Variants in CSNK2A1 observed in about 807,000 individuals in gnomAD.
The protein encoded by CSNK2A1 is casein kinase 2 alpha 1.
Under a neutral mutation model 62.9 loss-of-function variants are expected in CSNK2A1, and 10 were observed. That is an observed-to-expected ratio of 0.16 (90% CI 0.10 to 0.27). CSNK2A1 has a LOEUF of 0.27. CSNK2A1 is among the 10% of genes least tolerant of loss of function. The pLI is 1.00. For missense variants in CSNK2A1, 160 were observed against 492.0 expected, an observed-to-expected ratio of 0.33 and a Z score of 6.38; for synonymous variants, 124 against 167.8, an observed-to-expected ratio of 0.74 and a Z score of 2.02.
At chr20:523,001 T>C (rs1186811484) in intron 2 of CSNK2A1, among the ~76,000 whole-genome samples, 3 of 152,142 alleles carry the variant, frequency 2.0e-5, no homozygotes, top group Non-Finnish European at 4.4e-5. Context: ...TGATGACATA[T>C]CACGGTTATG....
At chr20:531,613 C>A (rs1415973845) in intron 1 of CSNK2A1, among the ~76,000 whole-genome samples, 1 of 152,094 alleles carries the variant, frequency 6.6e-6, no homozygotes, top group African/African-American at 2.4e-5. Context: ...CTCAGGAAAT[C>A]TGTAAACTCC....
At position 508,670 on chromosome 20, in the gene CSNK2A1, C is replaced by T; in HGVS notation, c.-109-10G>A. The T allele has an allele frequency of 4.9e-6, 4 of 819,372 alleles. 1 individual carries two copies. In the South Asian group the frequency reaches 7.1e-5, roughly 15 times the overall value. 50.8% of individuals were successfully genotyped at this position (819,372 alleles called of 1,614,324 possible). ...ACCTGTTTTCTTCAAACTGCAGAAA[C>T]AAAATGCACAAAGTCCAAGGAATCA... is the stretch of plus-strand genomic sequence containing the variant. On this transcript the variant is annotated splice_polypyrimidine_tract_variant and intron_variant, in intron 2 of 13. Coordinates refer to ENST00000217244, the MANE Select transcript of CSNK2A1 (RefSeq NM_177559.3).
intron 2 of CSNK2A1, among the ~76,000 whole-genome samples, chr20:518,852 G>A (rs6116377): frequency 0.054 from 8,129 of 150,302 alleles, 722 homozygotes; most frequent in African/African-American, 0.18. Context: ...ACCGCACCCA[G>A]CCAATTATTT....
At chr20:496,874 G>A (rs2018356927) in intron 7 of CSNK2A1, 1 of 152,088 alleles carries the variant, frequency 6.6e-6, no homozygotes, top group Non-Finnish European at 1.5e-5. Flanking sequence ...ACAATCCTTA[G>A]GACAATTACC....
rs1232814831 is a variant in CSNK2A1, at chr20:480,462, G to A, written c.*3499C>T. The A allele has an allele frequency of 6.6e-6, 1 of 151,748 alleles. No homozygotes were observed. The highest frequency in any genetic ancestry group is 1.5e-5 in the Non-Finnish European group (1 of 67,972). The allele number at this position is 151,748 out of a possible 1,614,324, so 9.4% of individuals were successfully genotyped here. On this transcript the variant is annotated 3_prime_UTR_variant, in exon 14 of 14. Coordinates refer to ENST00000217244, the MANE Select transcript of CSNK2A1 (RefSeq NM_177559.3). Reference sequence around the variant, plus strand: ...AAAGGTTTTAATGAGGATTGCATAAGACATGCAAGGTCACCAGGGAGTTTA... The same window carrying A: ...AAAGGTTTTAATGAGGATTGCATAAAACATGCAAGGTCACCAGGGAGTTTA...
intron 2 of CSNK2A1, among the ~76,000 whole-genome samples, chr20:518,881 C>T (rs1379965600): frequency 6.6e-6 from 1 of 151,116 alleles, no homozygotes; most frequent in Non-Finnish European, 1.5e-5. Context: ...ATACAATGTC[C>T]TAGCAGATCT....
intron 3 of CSNK2A1, 122 bp from the exon 4 acceptor site, chr20:505,351 GTTTTTTTTTTTTTTT>G: frequency 8.5e-6 from 2 of 235,030 alleles, no homozygotes; most frequent in East Asian, 1.2e-4. Context: ...TCCCAAATAG[GTTTTTTTTTTTTTTT>G]TTTTTTTTTT....
rs561320731 is a variant in CSNK2A1, at chr20:479,684, A to T, written c.*4277T>A. 2.6e-5 allele frequency: 4 copies of T among 152,232 alleles called. No homozygotes were observed. Among genetic ancestry groups the T allele is most frequent in the Non-Finnish European group, 5.9e-5 (4 of 68,030 alleles). The allele number at this position is 152,232 out of a possible 1,614,324, so 9.4% of individuals were successfully genotyped here. A position where few individuals can be genotyped will look rare whatever the true frequency, so the allele number is the denominator to read the frequency against. On this transcript the variant is annotated 3_prime_UTR_variant, in exon 14 of 14. Coordinates refer to ENST00000217244, the MANE Select transcript of CSNK2A1 (RefSeq NM_177559.3). ...GCACAGAATCAAAGGAGAGCTATAA[A>T]GTCTAGGAAGTACTTATTTACATAG...
At position 472,781 on chromosome 20, in the gene CSNK2A1, A is replaced by G. The variant is rs1485604007; in HGVS notation, c.*11180T>C. 4 of 152,368 alleles carry G rather than the reference A, an allele frequency of 2.6e-5. No homozygotes were observed. The highest frequency in any genetic ancestry group is 1.9e-4 in the East Asian group (1 of 5,190). The allele number at this position is 152,368 out of a possible 1,614,324, so 9.4% of individuals were successfully genotyped here. A position where few individuals can be genotyped will look rare whatever the true frequency, so the allele number is the denominator to read the frequency against. ...TCTGCCCTTTGCTCTCAGGCTTCAG[A>G]TAAGAATTTGGCTGCCTTCAGCCAT... On this transcript the variant is annotated 3_prime_UTR_variant, in exon 14 of 14. Coordinates refer to ENST00000217244, the MANE Select transcript of CSNK2A1 (RefSeq NM_177559.3).
rs1343631083 is a variant in CSNK2A1, at chr20:482,995, T to C, written c.*966A>G. The C allele has an allele frequency of 2.0e-5, 3 of 152,402 alleles. No homozygotes were observed. The highest frequency in any genetic ancestry group is 1.3e-4 in the Admixed American group (2 of 15,278). 9.4% of individuals were successfully genotyped at this position (152,402 alleles called of 1,614,324 possible). A position where few individuals can be genotyped will look rare whatever the true frequency, so the allele number is the denominator to read the frequency against. On this transcript the variant is annotated 3_prime_UTR_variant, in exon 14 of 14. Transcript: ENST00000217244. ...GTAGAAAGCTTAAAATGGAAGTCAG[T>C]GTGGCCACATCTCCCATTAGCTCTA... is the stretch of plus-strand genomic sequence containing the variant.
rs2017789112 is a variant in CSNK2A1 at position 473,368 on chromosome 20, T to C, written c.*10593A>G. The C allele has an allele frequency of 6.6e-6, 1 of 152,664 alleles. No individual in the cohort carries two copies. Among genetic ancestry groups the C allele is most frequent in the African/African-American group, 2.4e-5 (1 of 41,476 alleles). 9.5% of individuals were successfully genotyped at this position (152,664 alleles called of 1,614,324 possible). A position where few individuals can be genotyped will look rare whatever the true frequency, so the allele number is the denominator to read the frequency against. On this transcript the variant is annotated 3_prime_UTR_variant, in exon 14 of 14. Transcript: ENST00000217244. ...CTCTGATTTTGGGGTTATGTCCTCC[T>C]TAGTGCTCCTGTTCCTCCCCCAGTT...
In CSNK2A1 at chr20:479,458, G is replaced by A. The variant is rs550428656; in HGVS notation, c.*4503C>T. 3.3e-5 allele frequency: 5 copies of A among 152,320 alleles called. No individual in the cohort carries two copies. The South Asian group carries it at 1.0e-3, about 32-fold the overall frequency. The allele number at this position is 152,320 out of a possible 1,614,324, so 9.4% of individuals were successfully genotyped here. A position where few individuals can be genotyped will look rare whatever the true frequency, so the allele number is the denominator to read the frequency against. Reference sequence around the variant, plus strand: ...TATTGGCAATGGAAATTCAACTTGGGTGGTAGGATTATGGATGTGTTACAG... The same window carrying A: ...TATTGGCAATGGAAATTCAACTTGGATGGTAGGATTATGGATGTGTTACAG... On this transcript the variant is annotated 3_prime_UTR_variant, in exon 14 of 14. Coordinates refer to ENST00000217244, the MANE Select transcript of CSNK2A1 (RefSeq NM_177559.3).
In CSNK2A1 at chr20:531,101, G is replaced by T. The variant is rs1327028073; in HGVS notation, c.-226-3052C>A. Among the ~76,000 whole-genome samples the T allele has an allele frequency of 2.6e-5, 4 of 151,896 alleles. No individual in the cohort carries two copies. The East Asian group carries it at 7.7e-4, about 29-fold the overall frequency. ...TTCCGTCTCAAAAAACAAAAGAAAA[G>T]GTATTAAGGTGAATTATGTATTAAA... On this transcript the variant is annotated intron_variant, in intron 1 of 13. Transcript: ENST00000217244.
In CSNK2A1 at chr20:477,523, C is replaced by A. The variant is rs1431304247; in HGVS notation, c.*6438G>T. ...GCTAGTATTCTTCTAGTTTTTACCA[C>A]CCCCACCACCTCAATCCTGCCCCTG... On this transcript the variant is annotated 3_prime_UTR_variant, in exon 14 of 14. Coordinates refer to ENST00000217244, the MANE Select transcript of CSNK2A1 (RefSeq NM_177559.3). 2 of 152,486 alleles carry A rather than the reference C, an allele frequency of 1.3e-5. No individual in the cohort carries two copies. Among genetic ancestry groups the A allele is most frequent in the Admixed American group, 6.6e-5 (1 of 15,260 alleles). 9.4% of individuals were successfully genotyped at this position (152,486 alleles called of 1,614,324 possible). A position where few individuals can be genotyped will look rare whatever the true frequency, so the allele number is the denominator to read the frequency against.
At chr20:522,940 TTACTG>T (rs2018981921) in intron 2 of CSNK2A1, among the ~76,000 whole-genome samples, 1 of 152,096 alleles carries the variant, frequency 6.6e-6, no homozygotes, top group African/African-American at 2.4e-5. Context: ...GCCTCCAGAG[TTACTG>T]GGATAACAGG....
chr20:486,602 T>C (rs1056650281), intron 12 of CSNK2A1, 140 bp from the exon 13 acceptor site: 2 of 800,288 alleles, frequency 2.5e-6, no homozygotes, highest in Non-Finnish European at 3.7e-6. Flanking sequence ...AAGGTGGCAA[T>C]TGCCTTCACC....
chr20:495,684 G>T (rs2018332145), intron 8 of CSNK2A1, 35 bp downstream of exon 8: 1 of 1,576,168 alleles, frequency 6.3e-7, no homozygotes, highest in Non-Finnish European at 8.7e-7. Context: ...GCTACATCAT[G>T]TAGATAAATA....
At chr20:530,361 A>C (rs1374384964) in intron 1 of CSNK2A1, among the ~76,000 whole-genome samples, 1 of 151,942 alleles carries the variant, frequency 6.6e-6, no homozygotes, top group East Asian at 1.9e-4. Context: ...AATACATCAC[A>C]TTCTGGTTGT....
At chr20:523,750 G>A (rs1244957883) in intron 2 of CSNK2A1, among the ~76,000 whole-genome samples, 2 of 151,410 alleles carry the variant, frequency 1.3e-5, no homozygotes, top group African/African-American at 4.9e-5. Context: ...AATTAGCCGG[G>A]AGCGGTGGTG....
Sources: allele counts gnomAD v4.1 joint callset (sites outside exome capture counted in the v4.1 genomes callset), GRCh38; gene constraint gnomAD v4.1.1; transcripts MANE v1.5; gene names NCBI Gene and HGNC (gene_info 2026-07-23, HGNC 2026-07-21).